HEPH: variants seen among roughly 807,000 people sequenced by gnomAD.
HEPH encodes the protein hephaestin.
Under a neutral mutation model 80.8 loss-of-function variants are expected in HEPH, and 69 were observed. The observed-to-expected ratio is 0.85, with a 90% CI of 0.70 to 1.04. HEPH has a LOEUF of 1.04. Ranked by LOEUF, HEPH falls within the 50% of genes least tolerant of loss-of-function variation. The pLI, the probability that HEPH is intolerant of heterozygous loss-of-function variation, is 0.00. For synonymous variants in HEPH, 431 were observed against 322.8 expected (o/e 1.34, Z -3.60); for missense variants, 1,115 against 891.3 (o/e 1.25, Z -3.20).
intron 15 of HEPH, among the ~76,000 whole-genome samples, chrX:66,221,995 G>A (rs1018173018): frequency 1.8e-5 from 2 of 112,502 alleles, no homozygotes; most frequent in Non-Finnish European, 3.8e-5. Context: ...GAAAGGGATA[G>A]CCAATTGGAC....
chrX:66,170,559 G>A lies in HEPH; in HGVS notation c.-12G>A. 1 of 1,206,311 alleles carries A rather than the reference G, an allele frequency of 8.3e-7. No homozygotes were observed. Among genetic ancestry groups the A allele is most frequent in the Middle Eastern group, 2.4e-4 (1 of 4,138 alleles). ...AGTTTTTATTTGCCTGTTTCCCAGAGTAATGTGGGCCATGGAGTCAGGCCA... is the reference window on the plus strand; with the variant it reads ...AGTTTTTATTTGCCTGTTTCCCAGAATAATGTGGGCCATGGAGTCAGGCCA... On this transcript the variant is annotated splice_region_variant and 5_prime_UTR_variant, in exon 2 of 21. Transcript: ENST00000343002.
chrX:66,234,837 C>T (rs1442774256), intron 15 of HEPH, among the ~76,000 whole-genome samples: 6 of 110,041 alleles, frequency 5.5e-5, no homozygotes, highest in Admixed American at 9.7e-5. Flanking sequence ...TTAGTAGAGA[C>T]GGGGTTTCAC....
rs535772534 is a variant in HEPH at position 66,207,478 on chromosome X, A to G, written c.2431+144A>G. Reference sequence around the variant, plus strand: ...GAATTATGGAATATTTTATGAAACAACCATGACAATAAACAGTGAAGGGGG... The same window carrying G: ...GAATTATGGAATATTTTATGAAACAGCCATGACAATAAACAGTGAAGGGGG... On this transcript the variant is annotated intron_variant, in intron 14 of 20. Transcript: ENST00000343002. The G allele has an allele frequency of 1.4e-5, 6 of 433,030 alleles. No homozygotes were observed. The East Asian group carries it at 1.8e-4, about 13-fold the overall frequency. The allele number at this position is 433,030 out of a possible 1,213,427, so 35.7% of individuals were successfully genotyped here. A position where few individuals can be genotyped will look rare whatever the true frequency, so the allele number is the denominator to read the frequency against.
chrX:66,196,961 T>G (rs2088136584), intron 9 of HEPH, among the ~76,000 whole-genome samples: 1 of 110,045 alleles, frequency 9.1e-6, no homozygotes, highest in Non-Finnish European at 1.9e-5. Context: ...ATTTACACTC[T>G]TTATAGGTGA....
intron 15 of HEPH, among the ~76,000 whole-genome samples, chrX:66,250,897 T>G (rs2090977116): frequency 8.9e-6 from 1 of 112,031 alleles, no homozygotes; most frequent in Admixed American, 9.5e-5. Context: ...AGGCATTGAT[T>G]GATTGAGACA....
rs1199956437 is a variant in HEPH, at chrX:66,223,241, A to G, written c.2563+14995A>G. ...GGAAAGTGGAAGATAAACGAAGTAT[A>G]TAATTTCTAAGAAATTGACTTTTTG... On this transcript the variant is annotated intron_variant, in intron 15 of 20. Coordinates refer to ENST00000343002, the MANE Select transcript of HEPH (RefSeq NM_001367233.3). Among the ~76,000 whole-genome samples the G allele has an allele frequency of 2.7e-5, 3 of 111,964 alleles. No homozygotes were observed. In the Admixed American group the frequency reaches 2.8e-4, roughly 11 times the overall value.
intron 1 of HEPH, 72 bp from the exon 2 acceptor site, chrX:66,170,486 T>C (rs1216164887): frequency 4.0e-6 from 4 of 991,665 alleles, no homozygotes; most frequent in Non-Finnish European, 5.5e-6. Context: ...CCTCTTCAGT[T>C]TTCTGGACAC....
At chrX:66,229,441 G>T (rs561309680) in intron 15 of HEPH, among the ~76,000 whole-genome samples, 2 of 111,136 alleles carry the variant, frequency 1.8e-5, no homozygotes, top group Non-Finnish European at 3.8e-5. Context: ...TGAACTTTGG[G>T]GATTCAGGGG....
chrX:66,177,226 T>C (rs1049317162), intron 4 of HEPH, among the ~76,000 whole-genome samples: 1 of 112,258 alleles, frequency 8.9e-6, no homozygotes. Context: ...ATTAGGGTGA[T>C]GCTGGCTTCA....
chrX:66,230,693 T>C (rs1466173885), intron 15 of HEPH, among the ~76,000 whole-genome samples: 1 of 103,379 alleles, frequency 9.7e-6, no homozygotes, highest in Non-Finnish European at 2.0e-5. Flanking sequence ...GTCAGATGAG[T>C]AGGTTGCGAA....
At chrX:66,207,052 G>GA (rs984551704) in intron 13 of HEPH, 143 bp from the exon 14 acceptor site, 329 of 320,327 alleles carry the variant, frequency 1.0e-3, no homozygotes, top group Admixed American at 3.8e-3. Flanking sequence ...TTAAAAAAAA[G>GA]AAAAAAAAAG....
intron 13 of HEPH, 32 bp downstream of exon 13, chrX:66,203,609 T>C (rs1218195417): frequency 8.7e-7 from 1 of 1,144,981 alleles, no homozygotes; most frequent in African/African-American, 1.8e-5. Context: ...GATTACACTT[T>C]TAGAAAAACA....
chrX:66,257,512 A>G (rs2091220003), intron 17 of HEPH, among the ~76,000 whole-genome samples: 1 of 112,332 alleles, frequency 8.9e-6, no homozygotes, highest in Non-Finnish European at 1.9e-5. Flanking sequence ...AAGAAGGCTA[A>G]TTGAAAAACT....
intron 1 of HEPH, among the ~76,000 whole-genome samples, chrX:66,166,761 A>G (rs1168381284): frequency 4.5e-5 from 5 of 112,233 alleles, no homozygotes; most frequent in Admixed American, 9.5e-5. Flanking sequence ...CTAGTTCTTT[A>G]CATTATACCA....
At chrX:66,178,883 C>A (rs2086952321) in intron 4 of HEPH, among the ~76,000 whole-genome samples, 1 of 111,362 alleles carries the variant, frequency 9.0e-6, no homozygotes, top group Non-Finnish European at 1.9e-5. Flanking sequence ...AATTTTTTCC[C>A]ATTCTGTAGG....
intron 15 of HEPH, among the ~76,000 whole-genome samples, chrX:66,251,893 T>C (rs966097216): frequency 8.9e-6 from 1 of 112,101 alleles, no homozygotes; most frequent in African/African-American, 3.2e-5. Flanking sequence ...GGAATTTTTG[T>C]TTAGATTTAC....
Position 66,256,269 on chromosome X carries a change from C to T in HEPH, c.2835C>T (p.Ser945=), listed in dbSNP as rs1425874836. The change falls in exon 17 of 21, where the codon TCC becomes TCT. Residue 945 remains serine, a synonymous_variant. Transcript: ENST00000343002. ...YLEENVATHG[S]QDPGSINLQD... is the part of the protein sequence containing the mutation. Reference sequence around the variant, plus strand: ...AGGAAAATGTGGCAACCCATGGGTCCCAGGATCCAGGCAGTATTAACCTAC... The same window carrying T: ...AGGAAAATGTGGCAACCCATGGGTCTCAGGATCCAGGCAGTATTAACCTAC... 8.3e-7 allele frequency: 1 copy of T among 1,209,190 alleles called. No homozygotes were observed. The highest frequency in any genetic ancestry group is 1.1e-6 in the Non-Finnish European group (1 of 894,645).
At chrX:66,207,918 C>T (rs959986844) in intron 14 of HEPH, among the ~76,000 whole-genome samples, 197 bp from the exon 15 acceptor site, 1 of 110,770 alleles carries the variant, frequency 9.0e-6, no homozygotes, top group Non-Finnish European at 1.9e-5. Flanking sequence ...TACCTTCATC[C>T]TGTGGGTAGT....
chrX:66,229,870 A>G (rs1390126743), intron 15 of HEPH, among the ~76,000 whole-genome samples: 1 of 108,105 alleles, frequency 9.3e-6, no homozygotes, highest in African/African-American at 3.4e-5. Flanking sequence ...GGTGCGCTGC[A>G]CCCACTAACC....
Sources: allele counts gnomAD v4.1 joint callset (sites outside exome capture counted in the v4.1 genomes callset), GRCh38; gene constraint gnomAD v4.1.1; transcripts MANE v1.5; gene names NCBI Gene and HGNC (gene_info 2026-07-23, HGNC 2026-07-21).